PPP1R12B: variants seen among roughly 807,000 people sequenced by gnomAD.
The protein encoded by PPP1R12B is protein phosphatase 1 regulatory subunit 12B.
A neutral mutation model predicts 126.1 loss-of-function variants in PPP1R12B; 76 were observed. The ratio of observed to expected loss-of-function variants is 0.60; its 90% confidence interval spans 0.50 to 0.73. PPP1R12B has a LOEUF of 0.73. Among genes scored for constraint, PPP1R12B ranks in the 30% least tolerant of loss-of-function variants. The pLI is 0.00. For missense variants in PPP1R12B, 1,052 were observed against 1,205.1 expected (o/e 0.87, Z 1.88); for synonymous variants, 356 against 434.7 (o/e 0.82, Z 2.25).
At chr1:202,350,597 G>A (rs977151389) in intron 1 of PPP1R12B, among the ~76,000 whole-genome samples, 3 of 151,684 alleles carry the variant, frequency 2.0e-5, no homozygotes, top group African/African-American at 7.3e-5. Context: ...CTTTGGGAAG[G>A]TGAATTCTTG....
rs1435260706 is a variant in PPP1R12B, at chr1:202,437,936, C to G, written c.1370C>G (p.Ser457Cys). 4 of 1,613,996 alleles carry G rather than the reference C, an allele frequency of 2.5e-6. No individual in the cohort carries two copies. The highest frequency in any genetic ancestry group is 2.5e-6 in the Non-Finnish European group (3 of 1,180,016). Residue 457 changes from serine (S) to cysteine (C), a missense_variant, in exon 10 of 24, where the codon TCC becomes TGC. By Grantham distance (112) the Ser-to-Cys change is moderately radical (BLOSUM62 -1). Coordinates refer to ENST00000608999, the MANE Select transcript of PPP1R12B (RefSeq NM_002481.4). Reference protein sequence around the residue: ...SHNMLSEVANSREPIRDRGSS... With the variant: ...SHNMLSEVANCREPIRDRGSS... Reference sequence around the variant, plus strand: ...AACATGCTGAGTGAGGTGGCCAATTCCAGGGAACCTATAAGGGACCGAGGC... The same window carrying G: ...AACATGCTGAGTGAGGTGGCCAATTGCAGGGAACCTATAAGGGACCGAGGC...
intron 1 of PPP1R12B, among the ~76,000 whole-genome samples, chr1:202,377,964 G>A (rs1235780685): frequency 7.0e-6 from 1 of 141,956 alleles, no homozygotes; most frequent in Non-Finnish European, 1.5e-5. Flanking sequence ...TCAGCCTCCC[G>A]AGTAGCTGGG....
At chr1:202,436,506 G>A (rs549267304) in intron 9 of PPP1R12B, among the ~76,000 whole-genome samples, 4 of 152,276 alleles carry the variant, frequency 2.6e-5, no homozygotes, top group Non-Finnish European at 5.9e-5. Flanking sequence ...GCTGTATCAG[G>A]CAGTAAAGGT....
chr1:202,533,686 T>G (rs1209472165), intron 18 of PPP1R12B, among the ~76,000 whole-genome samples: 1 of 152,164 alleles, frequency 6.6e-6, no homozygotes, highest in Non-Finnish European at 1.5e-5. Context: ...ATTCAGTGTT[T>G]TCTCATGATT....
rs1239731949 is a variant in PPP1R12B, at chr1:202,437,804, A to G, written c.1255-17A>G. On this transcript the variant is annotated splice_polypyrimidine_tract_variant and intron_variant, in intron 9 of 23. Coordinates refer to ENST00000608999, the MANE Select transcript of PPP1R12B (RefSeq NM_002481.4). ...AGAGCCTTTATTTTTCATTTCTTTTATTTGCTTCTCTCATAGTTCTCTTCT... is the reference window on the plus strand; with the variant it reads ...AGAGCCTTTATTTTTCATTTCTTTTGTTTGCTTCTCTCATAGTTCTCTTCT... 2 of 1,574,036 alleles carry G rather than the reference A, an allele frequency of 1.3e-6. No individual in the cohort carries two copies. Among genetic ancestry groups the G allele is most frequent in the Non-Finnish European group, 1.7e-6 (2 of 1,159,084 alleles).
intron 1 of PPP1R12B, among the ~76,000 whole-genome samples, chr1:202,396,708 G>T (rs1193591182): frequency 3.9e-5 from 6 of 152,142 alleles, no homozygotes; most frequent in Non-Finnish European, 8.8e-5. Context: ...TGCCTTTGGG[G>T]CTCAAGTGAT....
intron 23 of PPP1R12B, among the ~76,000 whole-genome samples, chr1:202,571,292 C>T (rs774387081): frequency 1.1e-4 from 16 of 152,242 alleles, no homozygotes; most frequent in Admixed American, 2.0e-4. Flanking sequence ...CTTTCCTTTC[C>T]TCAAGAGATT....
chr1:202,422,591 A>G (rs780806115), intron 2 of PPP1R12B, 29 bp from the exon 3 acceptor site: 14 of 1,601,422 alleles, frequency 8.7e-6, no homozygotes, highest in Non-Finnish European at 1.2e-5. Flanking sequence ...ATTGACAGAT[A>G]ATATTGATCC....
At position 202,514,083 on chromosome 1, in the gene PPP1R12B, TTTTTC is replaced by T. The variant is rs538396667; in HGVS notation, c.2490+17276_2490+17280del. Among the ~76,000 whole-genome samples, 657 of 151,798 alleles carry T rather than the reference TTTTTC, an allele frequency of 4.3e-3. 3 individuals are homozygous for T. Among genetic ancestry groups the T allele is most frequent in the African/African-American group, 0.015 (621 of 41,262 alleles). ...TTTGTTTTGTTTTGTTTTGTTTTGT[TTTTTC>T]TTTTCTTTTCTTTTTTTAACTTTTT... On this transcript the variant is annotated intron_variant, in intron 18 of 23. Coordinates refer to ENST00000608999, the MANE Select transcript of PPP1R12B (RefSeq NM_002481.4).
At chr1:202,451,699 C>T (rs1156303293) in intron 13 of PPP1R12B, among the ~76,000 whole-genome samples, 3 of 152,098 alleles carry the variant, frequency 2.0e-5, no homozygotes, top group Middle Eastern at 3.2e-3. Flanking sequence ...ACCTCCCAGA[C>T]GGGGTGGTGG....
chr1:202,483,760 CTCTAATAATAT>C (rs759258688), intron 13 of PPP1R12B, among the ~76,000 whole-genome samples: 8 of 152,164 alleles, frequency 5.3e-5, no homozygotes, highest in Non-Finnish European at 1.2e-4. Context: ...CTCCCTTTAC[CTCTAATAATAT>C]TTGCTTTATA....
chr1:202,447,307 G>A lies in PPP1R12B; in HGVS notation c.1668-1682G>A, dbSNP rs1216673877. On this transcript the variant is annotated intron_variant, in intron 12 of 23. Coordinates refer to ENST00000608999, the MANE Select transcript of PPP1R12B (RefSeq NM_002481.4). ...TTAATCATCTGCCCAAGGTCACACA[G>A]CTAGTGAGGGCCTGAGATAGGATTT... Among the ~76,000 whole-genome samples the A allele has an allele frequency of 2.6e-5, 4 of 152,212 alleles. No homozygotes were observed. The East Asian group carries it at 7.7e-4, about 29-fold the overall frequency.
chr1:202,368,309 G>T (rs907965818), intron 1 of PPP1R12B, among the ~76,000 whole-genome samples: 4 of 151,994 alleles, frequency 2.6e-5, no homozygotes, highest in Admixed American at 2.0e-4. Flanking sequence ...ACTGCCCCCC[G>T]CAACCTTGCT....
intron 1 of PPP1R12B, among the ~76,000 whole-genome samples, chr1:202,410,937 A>T (rs1667298432): frequency 6.6e-6 from 1 of 152,172 alleles, no homozygotes; most frequent in African/African-American, 2.4e-5. Context: ...AAATGCAAAG[A>T]ATTTCCCCAT....
At chr1:202,574,863 C>T in intron 23 of PPP1R12B, 1 of 836,406 alleles carries the variant, frequency 1.2e-6, no homozygotes, top group South Asian at 2.1e-5. Context: ...TCCTGCCTTT[C>T]TCATTTCCTT....
intron 1 of PPP1R12B, among the ~76,000 whole-genome samples, chr1:202,400,865 C>T (rs1665717141): frequency 6.6e-6 from 1 of 152,210 alleles, no homozygotes; most frequent in African/African-American, 2.4e-5. Context: ...CATTTGAATT[C>T]AAACTTTCTG....
At chr1:202,520,449 C>T (rs1318140288) in intron 18 of PPP1R12B, among the ~76,000 whole-genome samples, 3 of 152,156 alleles carry the variant, frequency 2.0e-5, no homozygotes, top group Admixed American at 6.5e-5. Flanking sequence ...AGTCTGATTC[C>T]ATTTATGGGA....
At chr1:202,569,302 A>C in intron 23 of PPP1R12B, 105 bp downstream of exon 23, 3 of 1,119,088 alleles carry the variant, frequency 2.7e-6, no homozygotes, top group Non-Finnish European at 3.9e-6. Flanking sequence ...CTACAAACTC[A>C]ATATCTGCAA....
chr1:202,494,399 A>G (rs926870937), intron 15 of PPP1R12B, among the ~76,000 whole-genome samples: 10 of 152,178 alleles, frequency 6.6e-5, no homozygotes, highest in Admixed American at 6.5e-4. Flanking sequence ...CTAGAATTTG[A>G]ACAAAGATCT....
Sources: allele counts gnomAD v4.1 joint callset (sites outside exome capture counted in the v4.1 genomes callset), GRCh38; gene constraint gnomAD v4.1.1; transcripts MANE v1.5; gene names NCBI Gene and HGNC (gene_info 2026-07-23, HGNC 2026-07-21).